The following ASMT variants were observed in gnomAD, a reference collection of about 807,000 sequenced individuals.
ASMT encodes the protein acetylserotonin O-methyltransferase, also known as acetylserotonin N-methyltransferase.
Under a neutral mutation model 41.3 loss-of-function variants are expected in ASMT, and 53 were observed. The observed-to-expected ratio is 1.28, with a 90% CI of 1.03 to 1.61. The LOEUF is 1.61. ASMT is among the 40% of genes most tolerant of loss of function. The pLI is 0.00. For missense variants in ASMT, 531 were observed against 441.3 expected, an observed-to-expected ratio of 1.20 and a Z score of -1.82; for synonymous variants, 231 against 184.8, an observed-to-expected ratio of 1.25 and a Z score of -2.03.
intron 1 of ASMT, among the ~76,000 whole-genome samples, chrX:1,622,503 C>G (rs1293111841): frequency 6.7e-6 from 1 of 149,912 alleles, no homozygotes; most frequent in Non-Finnish European, 1.5e-5. Context: ...GTTGGCCAGG[C>G]TGGTCTCAAA....
intron 5 of ASMT, among the ~76,000 whole-genome samples, chrX:1,630,921 T>TTTA (rs1934751099): frequency 6.8e-6 from 1 of 147,312 alleles, no homozygotes; most frequent in Non-Finnish European, 1.5e-5. Context: ...TTATTTATTT[T>TTTA]TTTTTTTGAG....
At chrX:1,623,944 C>T (rs1398223977) in intron 2 of ASMT, among the ~76,000 whole-genome samples, 27 of 152,088 alleles carry the variant, frequency 1.8e-4, no homozygotes, top group Non-Finnish European at 3.5e-4. Flanking sequence ...CCACCACGCC[C>T]GGCCTCAATA....
chrX:1,634,660 C>CCT (rs1484603747), intron 7 of ASMT, among the ~76,000 whole-genome samples: 2 of 150,476 alleles, frequency 1.3e-5, no homozygotes, highest in African/African-American at 4.9e-5. Context: ...TTAACCCCCC[C>CCT]CCTTTTTTTT....
chrX:1,636,179 G>C (rs1247663136), intron 7 of ASMT: 57 of 512,564 alleles, frequency 1.1e-4, no homozygotes, highest in Non-Finnish European at 7.3e-5. Flanking sequence ...GGATGGTCTT[G>C]ATCTCCTGAC....
intron 5 of ASMT, 25 bp downstream of exon 5, chrX:1,629,964 CT>C: frequency 6.4e-7 from 1 of 1,564,170 alleles, no homozygotes; most frequent in South Asian, 1.1e-5. Flanking sequence ...CCACTAATAC[CT>C]CGGAGGTGTG....
intron 1 of ASMT, among the ~76,000 whole-genome samples, chrX:1,619,787 GC>G (rs1418038369): frequency 6.6e-6 from 1 of 151,324 alleles, no homozygotes; most frequent in African/African-American, 2.4e-5. Context: ...AAAACAGAAC[GC>G]TAATTTAAAA....
chrX:1,626,525 C>T lies in ASMT; in HGVS notation c.375-1178C>T, dbSNP rs189103211. ...TTAGGATTATAGGTGTGAGCCACCACGCCCAGCCTTTGATTTTCTTCTTTA... is the reference window on the plus strand; with the variant it reads ...TTAGGATTATAGGTGTGAGCCACCATGCCCAGCCTTTGATTTTCTTCTTTA... On this transcript the variant is annotated intron_variant, in intron 3 of 8. Transcript: ENST00000381241. Among the ~76,000 whole-genome samples, 20 of 152,206 alleles carry T rather than the reference C, an allele frequency of 1.3e-4. No individual in the cohort carries two copies. The East Asian group carries it at 3.5e-3, about 26-fold the overall frequency.
At chrX:1,641,404 C>G (rs1450179499) in intron 8 of ASMT, among the ~76,000 whole-genome samples, 1 of 146,594 alleles carries the variant, frequency 6.8e-6, no homozygotes, top group Non-Finnish European at 1.5e-5. Flanking sequence ...TCCACCTATC[C>G]TGATGGTCCA....
intron 4 of ASMT, among the ~76,000 whole-genome samples, 195 bp from the exon 5 acceptor site, chrX:1,629,626 G>A (rs369226819): frequency 5.3e-5 from 8 of 152,250 alleles, no homozygotes; most frequent in African/African-American, 1.9e-4. Flanking sequence ...CAGGTTTCCC[G>A]GAGCTGGGTA....
chrX:1,615,127 T>A lies in ASMT; in HGVS notation c.-73T>A. On this transcript the variant is annotated 5_prime_UTR_variant, in exon 1 of 9. Transcript: ENST00000381241. Reference sequence around the variant, plus strand: ...GTGAGCGGGTGGCTCTTCCCCACCTTGCCAGCAGGCTCTGTGCTCCTTGAA... The same window carrying A: ...GTGAGCGGGTGGCTCTTCCCCACCTAGCCAGCAGGCTCTGTGCTCCTTGAA... 1.1e-5 allele frequency: 15 copies of A among 1,425,858 alleles called. No individual in the cohort carries two copies. The highest frequency in any genetic ancestry group is 1.5e-5 in the Non-Finnish European group (15 of 1,031,810). The allele number at this position is 1,425,858 out of a possible 1,614,324, so 88.3% of individuals were successfully genotyped here. A position where few individuals can be genotyped will look rare whatever the true frequency, so the allele number is the denominator to read the frequency against.
At chrX:1,631,006 G>A (rs1418594490) in intron 5 of ASMT, among the ~76,000 whole-genome samples, 1 of 150,532 alleles carries the variant, frequency 6.6e-6, no homozygotes, top group Non-Finnish European at 1.5e-5. Flanking sequence ...TGCCTCCCGG[G>A]TTCACGCCAT....
At chrX:1,616,729 G>C (rs1237878783) in intron 1 of ASMT, among the ~76,000 whole-genome samples, 3 of 150,332 alleles carry the variant, frequency 2.0e-5, no homozygotes, top group South Asian at 2.1e-4. Context: ...TTCTTTTTGA[G>C]ACAGAGTCTC....
chrX:1,629,241 G>A (rs1262230658), intron 4 of ASMT, among the ~76,000 whole-genome samples: 5 of 152,170 alleles, frequency 3.3e-5, no homozygotes, highest in Non-Finnish European at 5.9e-5. Context: ...TGGTACCTAA[G>A]AGGCAATTTT....
rs1344743790 is a variant in ASMT, at chrX:1,626,286, G to A, written c.375-1417G>A. 6.1e-5 allele frequency among the ~76,000 whole-genome samples: 9 copies of A among 147,042 alleles called. No homozygotes were observed. In the South Asian group the frequency reaches 1.1e-3, roughly 18 times the overall value. Reference sequence around the variant, plus strand: ...GTTTTGTTTTGTTGCCCAGGCTGGAGTGCAGTGGTATGATCTCGACTCACT... The same window carrying A: ...GTTTTGTTTTGTTGCCCAGGCTGGAATGCAGTGGTATGATCTCGACTCACT... On this transcript the variant is annotated intron_variant, in intron 3 of 8. Coordinates refer to ENST00000381241, the MANE Select transcript of ASMT (RefSeq NM_001171038.2).
chrX:1,642,563 G>C (rs1428855779), intron 8 of ASMT, among the ~76,000 whole-genome samples: 1 of 151,206 alleles, frequency 6.6e-6, no homozygotes, highest in Non-Finnish European at 1.5e-5. Context: ...CATCCATCCT[G>C]ATGGTTCATG....
intron 1 of ASMT, among the ~76,000 whole-genome samples, chrX:1,615,813 A>G (rs1371685162): frequency 1.3e-5 from 2 of 151,144 alleles, no homozygotes; most frequent in African/African-American, 2.4e-5. Context: ...AAAAAAAACC[A>G]AACAAACAAC....
In ASMT at chrX:1,636,211, C is replaced by A. The variant is rs1407896639; in HGVS notation, c.788-227C>A. On this transcript the variant is annotated intron_variant, in intron 7 of 8. Coordinates refer to ENST00000381241, the MANE Select transcript of ASMT (RefSeq NM_001171038.2). ...TGACCTCGTGATCTGCCCACCTCCGCCTCCCAAAGTGCTAGGATTACAGGC... is the reference window on the plus strand; with the variant it reads ...TGACCTCGTGATCTGCCCACCTCCGACTCCCAAAGTGCTAGGATTACAGGC... 6.4e-6 allele frequency: 4 copies of A among 620,884 alleles called. No individual in the cohort carries two copies. The Admixed American group carries it at 6.8e-5, about 11-fold the overall frequency. 38.5% of individuals were successfully genotyped at this position (620,884 alleles called of 1,614,324 possible).
chrX:1,620,278 T>G (rs1325595288), intron 1 of ASMT, among the ~76,000 whole-genome samples: 3 of 148,606 alleles, frequency 2.0e-5, no homozygotes, highest in Non-Finnish European at 4.5e-5. Flanking sequence ...TTCAGGCGAT[T>G]CTCCTGCCTC....
intron 3 of ASMT, among the ~76,000 whole-genome samples, chrX:1,625,104 C>CTTTTTTTTTTTTTTTTTTTTTTT (rs1330663748): frequency 1.6e-5 from 2 of 127,352 alleles, no homozygotes; most frequent in Non-Finnish European, 1.6e-5. Context: ...CTTTTCTTTT[C>CTTTTTTTTTTTTTTTTTTTTTTT]TTTCTTTTTT....
Sources: allele counts gnomAD v4.1 joint callset (sites outside exome capture counted in the v4.1 genomes callset), GRCh38; gene constraint gnomAD v4.1.1; transcripts MANE v1.5; gene names NCBI Gene and HGNC (gene_info 2026-07-23, HGNC 2026-07-21).